NEGR1: variants seen among roughly 807,000 people sequenced by gnomAD.
NEGR1 encodes the protein IgLON family member 4.
A neutral mutation model predicts 40.9 loss-of-function variants in NEGR1; 10 were observed. The observed-to-expected ratio is 0.24, with a 90% confidence interval of 0.15 to 0.42. The LOEUF is 0.42. Ranked by LOEUF, NEGR1 falls within the 10% of genes least tolerant of loss-of-function variation. The probability of loss-of-function intolerance (pLI) is 1.00; values close to 1 mark genes in which losing one functional copy is unlikely to be tolerated. For synonymous variants in NEGR1, 185 were observed against 166.8 expected (o/e 1.11, Z -0.84); for missense variants, 352 against 438.9 (o/e 0.80, Z 1.77).
chr1:71,682,623 G>C (rs1273305422), intron 4 of NEGR1, among the ~76,000 whole-genome samples: 1 of 152,102 alleles, frequency 6.6e-6, no homozygotes, highest in Non-Finnish European at 1.5e-5. Flanking sequence ...AACGCCTCTA[G>C]ATTTTTAAAA....
intron 6 of NEGR1, among the ~76,000 whole-genome samples, chr1:71,431,552 A>G (rs1172429344): frequency 1.0e-5 from 1 of 98,870 alleles, no homozygotes; most frequent in Non-Finnish European, 2.5e-5. Context: ...CCATCCATCC[A>G]TCCATCTGTT....
At chr1:71,830,663 G>C (rs972299446) in intron 2 of NEGR1, among the ~76,000 whole-genome samples, 1 of 151,928 alleles carries the variant, frequency 6.6e-6, no homozygotes, top group Non-Finnish European at 1.5e-5. Flanking sequence ...AAGGAGGATA[G>C]GGAATAAACA....
chr1:71,836,498 A>ATG (rs1659037246), intron 2 of NEGR1, among the ~76,000 whole-genome samples: 3 of 148,806 alleles, frequency 2.0e-5, no homozygotes, highest in Non-Finnish European at 1.5e-5. Flanking sequence ...ATATATATAT[A>ATG]TGAAGTCGGT....
rs59923029 is a variant in NEGR1 at position 71,868,436 on chromosome 1, AAGATAGATAGAT to A, written c.409+66631_409+66642del. On this transcript the variant is annotated intron_variant, in intron 2 of 6. Coordinates refer to ENST00000357731, the MANE Select transcript of NEGR1 (RefSeq NM_173808.3). Reference sequence around the variant, plus strand: ...CTTAAATTAAATAGATAGATGATAGAAGATAGATAGATAGATAGATAGATAGATAGACAGAAT... The same window carrying A: ...CTTAAATTAAATAGATAGATGATAGAAGATAGATAGATAGATAGACAGAAT... Among the ~76,000 whole-genome samples, 55 of 149,922 alleles carry A rather than the reference AAGATAGATAGAT, an allele frequency of 3.7e-4. No individual in the cohort carries two copies. In the Middle Eastern group the frequency reaches 0.01, roughly 28 times the overall value.
intron 1 of NEGR1, among the ~76,000 whole-genome samples, chr1:72,188,883 T>G (rs1652710603): frequency 6.6e-6 from 1 of 151,594 alleles, no homozygotes; most frequent in African/African-American, 2.4e-5. Context: ...AGCTCTGGAT[T>G]GCAGATAAAA....
intron 1 of NEGR1, among the ~76,000 whole-genome samples, chr1:72,225,779 A>G (rs1654172267): frequency 1.3e-5 from 2 of 151,644 alleles, no homozygotes; most frequent in Admixed American, 1.3e-4. Context: ...AGCTTCATGT[A>G]AGACAGAAAG....
chr1:72,017,699 T>G (rs1646723978), intron 1 of NEGR1, among the ~76,000 whole-genome samples: 1 of 152,056 alleles, frequency 6.6e-6, no homozygotes, highest in African/African-American at 2.4e-5. Context: ...AAAACTGGTT[T>G]TCTTTTAATT....
chr1:72,039,209 T>C lies in NEGR1; in HGVS notation c.177-103898A>G, dbSNP rs553168998. On this transcript the variant is annotated intron_variant, in intron 1 of 6. Transcript: ENST00000357731. ...TTAAGAGGGCAATATAATAAAATAA[T>C]GTCTATTTGATGCTGAAGGAATGTG... is the stretch of plus-strand genomic sequence containing the variant. Among the ~76,000 whole-genome samples the C allele has an allele frequency of 5.3e-5, 8 of 152,146 alleles. No homozygotes were observed. The East Asian group carries it at 1.5e-3, about 29-fold the overall frequency.
At chr1:71,768,752 T>C (rs1031795337) in intron 3 of NEGR1, among the ~76,000 whole-genome samples, 2 of 152,200 alleles carry the variant, frequency 1.3e-5, no homozygotes, top group African/African-American at 2.4e-5. Flanking sequence ...TCAAGTCTCA[T>C]GTGAATTGTA....
chr1:72,174,238 T>C (rs1234649700), intron 1 of NEGR1, among the ~76,000 whole-genome samples: 3 of 152,128 alleles, frequency 2.0e-5, no homozygotes, highest in Non-Finnish European at 4.4e-5. Flanking sequence ...AGAAGTCCCA[T>C]ATGCCGCTTT....
intron 6 of NEGR1, among the ~76,000 whole-genome samples, chr1:71,448,945 T>C (rs1646603535): frequency 6.6e-6 from 1 of 152,216 alleles, no homozygotes; most frequent in Non-Finnish European, 1.5e-5. Flanking sequence ...TATGGTTTGA[T>C]GCCACGTCTT....
At chr1:71,546,335 C>T (rs1286167344) in intron 6 of NEGR1, among the ~76,000 whole-genome samples, 3 of 151,566 alleles carry the variant, frequency 2.0e-5, no homozygotes, top group African/African-American at 7.3e-5. Context: ...TGATGGAATA[C>T]CCATGATGTG....
intron 1 of NEGR1, among the ~76,000 whole-genome samples, chr1:72,042,303 C>T (rs369404775): frequency 5.3e-5 from 8 of 151,818 alleles, no homozygotes; most frequent in African/African-American, 1.9e-4. Context: ...GAAAGCCAGC[C>T]TGGGATGACT....
At chr1:71,544,831 GA>G (rs1208557046) in intron 6 of NEGR1, among the ~76,000 whole-genome samples, 1 of 151,624 alleles carries the variant, frequency 6.6e-6, no homozygotes, top group African/African-American at 2.4e-5. Context: ...CCAGTGGAAA[GA>G]ATGGAAACTT....
chr1:72,120,338 TATTTTTAAA>T (rs1183500490), intron 1 of NEGR1, among the ~76,000 whole-genome samples: 5 of 151,990 alleles, frequency 3.3e-5, no homozygotes, highest in Non-Finnish European at 7.4e-5. Flanking sequence ...TGAAATAGAA[TATTTTTAAA>T]ATTTATGAAT....
intron 1 of NEGR1, among the ~76,000 whole-genome samples, chr1:71,991,958 A>AT (rs911481684): frequency 1.0e-3 from 149 of 149,026 alleles, no homozygotes; most frequent in African/African-American, 2.9e-3. Flanking sequence ...CACCTGGCTA[A>AT]TTTTTTTTTT....
At chr1:72,052,708 G>GT (rs1212826133) in intron 1 of NEGR1, among the ~76,000 whole-genome samples, 2 of 151,340 alleles carry the variant, frequency 1.3e-5, no homozygotes, top group African/African-American at 4.8e-5. Context: ...CTTTTTACTT[G>GT]TTTTTTGAAT....
In NEGR1 at chr1:72,079,282, G is replaced by A. The variant is rs114084388; in HGVS notation, c.177-143971C>T. Among the ~76,000 whole-genome samples, 78 of 151,814 alleles carry A rather than the reference G, an allele frequency of 5.1e-4. 1 individual carries two copies. The highest frequency in any genetic ancestry group is 1.8e-3 in the African/African-American group (73 of 41,456). ...GTGACATATAGTTGCTTAATAATCA[G>A]ATCTAAGCTTCATAAACAACTATCC... On this transcript the variant is annotated intron_variant, in intron 1 of 6. Transcript: ENST00000357731.
chr1:71,584,959 C>G (rs1307792666), intron 6 of NEGR1, among the ~76,000 whole-genome samples: 1 of 152,038 alleles, frequency 6.6e-6, no homozygotes, highest in Non-Finnish European at 1.5e-5. Context: ...GTGCCTTTTT[C>G]ATAGGTTACT....
Sources: allele counts gnomAD v4.1 joint callset (sites outside exome capture counted in the v4.1 genomes callset), GRCh38; gene constraint gnomAD v4.1.1; transcripts MANE v1.5; gene names NCBI Gene and HGNC (gene_info 2026-07-23, HGNC 2026-07-21).